Variants in PAMR1 observed in about 807,000 individuals in gnomAD.
PAMR1 encodes the protein inactive serine protease PAMR1.
A neutral mutation model predicts 81.8 loss-of-function variants in PAMR1; 88 were observed. The ratio of observed to expected loss-of-function variants is 1.08; its 90% CI spans 0.91 to 1.28. PAMR1 has a LOEUF of 1.28. Ranked by LOEUF, PAMR1 falls within the 50% of genes most tolerant of loss-of-function variation. The pLI is 0.00. For synonymous variants in PAMR1, 336 were observed against 345.3 expected (o/e 0.97, Z 0.30); for missense variants, 935 against 919.7 (o/e 1.02, Z -0.21).
intron 6 of PAMR1, among the ~76,000 whole-genome samples, chr11:35,442,480 G>A (rs1856191490): frequency 6.6e-6 from 1 of 152,122 alleles, no homozygotes; most frequent in Admixed American, 6.6e-5. Flanking sequence ...TGACACTACT[G>A]AATATGACTT....
At chr11:35,479,324 A>G (rs1330408619) in intron 3 of PAMR1, among the ~76,000 whole-genome samples, 2 of 152,230 alleles carry the variant, frequency 1.3e-5, no homozygotes, top group African/African-American at 2.4e-5. Context: ...GTGACTCTAA[A>G]AAAGGCCACT....
intron 8 of PAMR1, among the ~76,000 whole-genome samples, chr11:35,436,656 T>TCACACACACACAAACACACACACA (rs1856053912): frequency 6.9e-6 from 1 of 144,836 alleles, no homozygotes; most frequent in African/African-American, 2.5e-5. Context: ...TCTCTCTCTG[T>TCACACACACACAAACACACACACA]CACACACACA....
chr11:35,525,883 C>G (rs868231968), upstream of PAMR1: 4 of 488,496 alleles, frequency 8.2e-6, no homozygotes, highest in South Asian at 9.2e-5. Context: ...GGAGGCCAGC[C>G]TGGGTACAGG....
At chr11:35,510,940 A>G (rs765922595) in intron 1 of PAMR1, among the ~76,000 whole-genome samples, 3 of 152,244 alleles carry the variant, frequency 2.0e-5, no homozygotes, top group Non-Finnish European at 4.4e-5. Flanking sequence ...GGCATCTCCT[A>G]TCTAAAGTGG....
At chr11:35,451,187 T>C (rs746141202) in intron 6 of PAMR1, among the ~76,000 whole-genome samples, 2 of 152,226 alleles carry the variant, frequency 1.3e-5, no homozygotes, top group Non-Finnish European at 2.9e-5. Flanking sequence ...TCTGTTACTT[T>C]CCAAATGCAG....
chr11:35,529,266 C>T (rs951729597), upstream of PAMR1, among the ~76,000 whole-genome samples: 2 of 152,138 alleles, frequency 1.3e-5, no homozygotes, highest in Non-Finnish European at 2.9e-5. Flanking sequence ...GGAGCCATAG[C>T]CTTCTCATTT....
chr11:35,445,030 T>C (rs1856260705), intron 6 of PAMR1, among the ~76,000 whole-genome samples: 1 of 152,226 alleles, frequency 6.6e-6, no homozygotes, highest in Non-Finnish European at 1.5e-5. Context: ...CAGTGGTTTG[T>C]AGTTCTCCTT....
chr11:35,519,477 G>T (rs1851230822), intron 1 of PAMR1, among the ~76,000 whole-genome samples: 1 of 152,164 alleles, frequency 6.6e-6, no homozygotes, highest in African/African-American at 2.4e-5. Context: ...TCTGCAAACA[G>T]ACATGTGATT....
chr11:35,500,634 A>G (rs1850816489), intron 1 of PAMR1, among the ~76,000 whole-genome samples: 1 of 152,242 alleles, frequency 6.6e-6, no homozygotes, highest in African/African-American at 2.4e-5. Context: ...AATTACAGAA[A>G]GAAATCCATC....
At chr11:35,453,966 A>T (rs1856473849) in intron 6 of PAMR1, among the ~76,000 whole-genome samples, 1 of 152,228 alleles carries the variant, frequency 6.6e-6, no homozygotes, top group East Asian at 1.9e-4. Context: ...TGAACAAAAA[A>T]TAGGAATCAA....
intron 6 of PAMR1, among the ~76,000 whole-genome samples, chr11:35,462,419 A>T (rs1172726228): frequency 6.6e-6 from 1 of 152,164 alleles, no homozygotes; most frequent in Admixed American, 6.6e-5. Context: ...TCTTGCCTGT[A>T]TGTTGGTGCA....
In PAMR1 at chr11:35,492,123, C is replaced by T. The variant is rs201179105; in HGVS notation, c.301G>A (p.Gly101Ser). Residue 101 changes from glycine (G) to serine (S), a missense_variant, in exon 3 of 11, where the codon GGT (glycine) becomes AGT (serine). Gly to Ser is a moderately conservative substitution (Grantham distance 56). Coordinates refer to ENST00000619888, the MANE Select transcript of PAMR1 (RefSeq NM_001001991.3). ...TTCACATAGAAGTCATCCAAGGTACCCCCCCATGAGCCATTTCGGCAGCTC... is the reference window on the plus strand; with the variant it reads ...TTCACATAGAAGTCATCCAAGGTACTCCCCCATGAGCCATTTCGGCAGCTC... Reference protein sequence around the residue: ...CKSCRNGSWGGTLDDFYVKGF... With the variant: ...CKSCRNGSWGSTLDDFYVKGF... 20 of 1,613,828 alleles carry T rather than the reference C, an allele frequency of 1.2e-5. No homozygotes were observed. The highest frequency in any genetic ancestry group is 1.4e-5 in the Non-Finnish European group (17 of 1,179,886).
chr11:35,439,890 C>A (rs1297113819), intron 7 of PAMR1, among the ~76,000 whole-genome samples, 197 bp from the exon 8 acceptor site: 1 of 152,166 alleles, frequency 6.6e-6, no homozygotes, highest in Non-Finnish European at 1.5e-5. Context: ...TGATTGACAG[C>A]ACCCTCTGAA....
upstream of PAMR1, among the ~76,000 whole-genome samples, chr11:35,527,973 G>A (rs952729865): frequency 3.9e-5 from 6 of 152,022 alleles, no homozygotes; most frequent in African/African-American, 1.4e-4. Flanking sequence ...CCCATGACAC[G>A]TGGGGTTTCT....
intron 1 of PAMR1, among the ~76,000 whole-genome samples, chr11:35,501,265 G>T (rs897739132): frequency 1.3e-5 from 2 of 151,594 alleles, no homozygotes; most frequent in Admixed American, 1.3e-4. Flanking sequence ...CAAGTAGCTG[G>T]AACTGCAGGC....
intron 8 of PAMR1, among the ~76,000 whole-genome samples, chr11:35,436,376 C>T (rs1446973892): frequency 6.6e-6 from 1 of 152,134 alleles, no homozygotes; most frequent in African/African-American, 2.4e-5. Context: ...CCTCCACCTC[C>T]TGGGTTCAAG....
At chr11:35,480,371 G>T (rs1430515927) in intron 3 of PAMR1, among the ~76,000 whole-genome samples, 1 of 152,162 alleles carries the variant, frequency 6.6e-6, no homozygotes, top group Non-Finnish European at 1.5e-5. Context: ...CATGGAAATA[G>T]CCCTGCTAAT....
intron 1 of PAMR1, among the ~76,000 whole-genome samples, chr11:35,507,052 T>C (rs1476129883): frequency 1.4e-5 from 2 of 141,394 alleles, no homozygotes; most frequent in African/African-American, 5.3e-5. Context: ...TTTTTTTTTT[T>C]TTTTTTTTTT....
At chr11:35,457,938 T>C (rs948849415) in intron 6 of PAMR1, among the ~76,000 whole-genome samples, 1 of 152,116 alleles carries the variant, frequency 6.6e-6, no homozygotes, top group Non-Finnish European at 1.5e-5. Context: ...GAACATTAAC[T>C]CTTCATACCT....
Sources: gnomAD v4.1 joint callset for allele counts (sites outside exome capture counted in the v4.1 genomes callset) on GRCh38, gnomAD v4.1.1 for gene constraint, MANE v1.5 for transcripts, NCBI Gene and HGNC (gene_info 2026-07-23, HGNC 2026-07-21) for gene names.